Variants in CACNA1C observed in about 807,000 individuals in gnomAD.
The protein encoded by CACNA1C is voltage-dependent L-type calcium channel subunit alpha-1C.
A neutral mutation model predicts 229.0 loss-of-function variants in CACNA1C; 30 were observed. The ratio of observed to expected loss-of-function variants is 0.13; its 90% CI spans 0.10 to 0.18. The LOEUF (loss-of-function observed/expected upper bound fraction) is 0.18. Among genes scored for constraint, CACNA1C ranks in the 10% least tolerant of loss-of-function variants. CACNA1C has a pLI of 1.00. For synonymous variants in CACNA1C, 1,114 were observed against 1,132.5 expected, an observed-to-expected ratio of 0.98 and a Z score of 0.33; for missense variants, 1,658 against 2,845.0, an observed-to-expected ratio of 0.58 and a Z score of 9.49.
chr12:2,292,168 T>C (rs1190966173), intron 3 of CACNA1C, among the ~76,000 whole-genome samples: 1 of 152,216 alleles, frequency 6.6e-6, no homozygotes, highest in Non-Finnish European at 1.5e-5. Flanking sequence ...ACATAGAACA[T>C]GACCTTGGTC....
chr12:2,510,046 C>T (rs144122161), intron 8 of CACNA1C, among the ~76,000 whole-genome samples: 7 of 152,340 alleles, frequency 4.6e-5, no homozygotes, highest in African/African-American at 1.4e-4. Flanking sequence ...GCATGCTTCA[C>T]ATCGCTGAGC....
chr12:2,052,095 A>G (rs922031713), upstream of CACNA1C, among the ~76,000 whole-genome samples: 2 of 152,106 alleles, frequency 1.3e-5, no homozygotes, highest in Non-Finnish European at 2.9e-5. Flanking sequence ...GGTTGCAGGG[A>G]GTGATGGAGG....
chr12:2,627,621 G>T (rs900950177), intron 29 of CACNA1C, among the ~76,000 whole-genome samples: 1 of 152,082 alleles, frequency 6.6e-6, no homozygotes, highest in African/African-American at 2.4e-5. Context: ...ACTCAAGCAG[G>T]ACCTCTGCTC....
intron 3 of CACNA1C, among the ~76,000 whole-genome samples, chr12:2,280,283 TTCGGTTTAACC>T (rs2090704472): frequency 1.2e-5 from 1 of 81,012 alleles, no homozygotes; most frequent in Non-Finnish European, 2.2e-5. Context: ...CTTGCTGTGC[TTCGGTTTAACC>T]TCTTGATACC....
At chr12:2,136,787 G>A (rs916126820) in intron 3 of CACNA1C, among the ~76,000 whole-genome samples, 2 of 151,316 alleles carry the variant, frequency 1.3e-5, no homozygotes, top group Admixed American at 6.6e-5. Context: ...ATTTTCCCAG[G>A]GATCAGTGAT....
At position 2,666,499 on chromosome 12, in the gene CACNA1C, A is replaced by G. The variant is rs2096117001; in HGVS notation, c.4527-187A>G. The G allele has an allele frequency of 2.0e-5, 10 of 505,580 alleles. No individual in the cohort carries two copies. The highest frequency in any genetic ancestry group is 3.5e-5 in the Non-Finnish European group (10 of 285,236). 31.3% of individuals were successfully genotyped at this position (505,580 alleles called of 1,614,324 possible). On this transcript the variant is annotated intron_variant, in intron 36 of 46. Transcript: ENST00000399655. The surrounding 1 kb of genome is among the most constrained non-coding windows in gnomAD (Gnocchi z 5.3). The stretch of plus-strand genomic sequence containing the variant: ...TTCATTAAAATCTAAACACGTGTAT[A>G]TGTATATTGGTTTGGGGCTGTGTCA...
intron 1 of CACNA1C, among the ~76,000 whole-genome samples, chr12:2,074,794 G>C (rs1242775357): frequency 6.6e-6 from 1 of 152,198 alleles, no homozygotes; most frequent in Non-Finnish European, 1.5e-5. Flanking sequence ...CCCTGAAGCT[G>C]TCAGCTAATG....
intron 42 of CACNA1C, chr12:2,680,372 C>A: frequency 6.4e-7 from 1 of 1,553,136 alleles, no homozygotes; most frequent in Non-Finnish European, 8.7e-7. Flanking sequence ...GGATGCACTG[C>A]TGTGACATGC....
chr12:2,294,763 C>T (rs1351750968), intron 3 of CACNA1C, among the ~76,000 whole-genome samples: 4 of 152,134 alleles, frequency 2.6e-5, no homozygotes, highest in East Asian at 1.9e-4. Context: ...GCTGGGACTG[C>T]GGGCGCGTTG....
chr12:2,166,401 A>G, intron 3 of CACNA1C, among the ~76,000 whole-genome samples: 1 of 152,218 alleles, frequency 6.6e-6, no homozygotes, highest in Non-Finnish European at 1.5e-5. Context: ...TTCTTCATAT[A>G]GCCTTGGGCG....
chr12:2,431,056 G>C (rs1409197364), intron 3 of CACNA1C, among the ~76,000 whole-genome samples: 1 of 152,188 alleles, frequency 6.6e-6, no homozygotes, highest in Non-Finnish European at 1.5e-5. Context: ...CATGGGCAGG[G>C]TGATATGTTT....
intron 1 of CACNA1C, among the ~76,000 whole-genome samples, chr12:2,022,692 G>A (rs12309651): frequency 0.062 from 9,372 of 151,940 alleles, 869 homozygotes; most frequent in African/African-American, 0.21. Flanking sequence ...TGATCCTCCC[G>A]CCTCAGCCTC....
rs1294812787 is a variant in CACNA1C at position 2,677,703 on chromosome 12, G to C, written c.4957-30G>C. 6.2e-7 allele frequency: 1 copy of C among 1,605,004 alleles called. No homozygotes were observed. Among genetic ancestry groups the C allele is most frequent in the Admixed American group, 1.7e-5 (1 of 58,890 alleles). ...GGGGAGCTTGGAGGAAAGGGAGCGT[G>C]GTCCTCACCATCCTCCCCTTGGATT... On this transcript the variant is annotated intron_variant, in intron 40 of 46. Coordinates refer to ENST00000399655, the MANE Select transcript of CACNA1C (RefSeq NM_000719.7). This position sits in a 1 kb window ranked among gnomAD's most constrained non-coding sequence, Gnocchi z 7.4.
chr12:2,166,439 C>T (rs1389075782), intron 3 of CACNA1C, among the ~76,000 whole-genome samples: 2 of 152,222 alleles, frequency 1.3e-5, no homozygotes, highest in East Asian at 1.9e-4. Flanking sequence ...GGTGGATAGA[C>T]ACACTGTCCC....
At chr12:2,531,657 G>C (rs2099841316) in intron 9 of CACNA1C, among the ~76,000 whole-genome samples, 1 of 152,176 alleles carries the variant, frequency 6.6e-6, no homozygotes, top group Non-Finnish European at 1.5e-5. Context: ...AGTGTCCACT[G>C]CATAAGGACT....
At chr12:1,978,852 T>C (rs551732913) in intron 1 of CACNA1C, among the ~76,000 whole-genome samples, 14 of 152,238 alleles carry the variant, frequency 9.2e-5, no homozygotes, top group Non-Finnish European at 1.8e-4. Flanking sequence ...ATTCATGTTG[T>C]TGAATATATC....
intron 3 of CACNA1C, among the ~76,000 whole-genome samples, chr12:2,365,052 A>G (rs2097688507): frequency 6.6e-6 from 1 of 152,252 alleles, no homozygotes; most frequent in African/African-American, 2.4e-5. Context: ...GACCCAATGC[A>G]TTTACAAAGC....
chr12:2,409,471 C>T (rs2098781368), intron 3 of CACNA1C, among the ~76,000 whole-genome samples: 1 of 152,204 alleles, frequency 6.6e-6, no homozygotes. Context: ...TAGGTGTGCC[C>T]TCCTTGATGA....
upstream of CACNA1C, among the ~76,000 whole-genome samples, chr12:2,050,702 T>C (rs2051991600): frequency 6.6e-6 from 1 of 152,168 alleles, no homozygotes; most frequent in Non-Finnish European, 1.5e-5. Flanking sequence ...ACCAACAAAA[T>C]TGAGATCGCT....
Sources: allele counts gnomAD v4.1 joint callset (sites outside exome capture counted in the v4.1 genomes callset), GRCh38; gene constraint gnomAD v4.1.1; non-coding constraint Gnocchi (gnomAD v3.1); transcripts MANE v1.5; gene names NCBI Gene and HGNC (gene_info 2026-07-23, HGNC 2026-07-21).